Variants in PIK3C3 observed in about 807,000 individuals in gnomAD.
The protein encoded by PIK3C3 is phosphatidylinositol 3-kinase catalytic subunit type 3.
Under a neutral mutation model 126.1 loss-of-function variants are expected in PIK3C3, and 95 were observed. The ratio of observed to expected loss-of-function variants is 0.75; its 90% confidence interval spans 0.64 to 0.89. The LOEUF (loss-of-function observed/expected upper bound fraction) is 0.89, where lower values mean the gene tolerates loss of function less well. Among genes scored for constraint, PIK3C3 ranks in the 40% least tolerant of loss-of-function variants. The pLI is 0.00. For missense variants in PIK3C3, 829 were observed against 1,063.2 expected (o/e 0.78, Z 3.06); for synonymous variants, 374 against 360.0 (o/e 1.04, Z -0.44).
intron 6 of PIK3C3, 122 bp downstream of exon 6, chr18:41,990,676 C>T: frequency 1.6e-6 from 1 of 606,520 alleles, no homozygotes; most frequent in Non-Finnish European, 2.9e-6. Flanking sequence ...CAGCTGTCAG[C>T]AGCAGCTGTT....
rs568717578 is a variant in PIK3C3 at position 42,085,164 on chromosome 18, A to G, written c.*4027A>G. ...GTGGTTTATATTAAGAATAGGTACA[A>G]TGTAAATACTGGTAAGTGAAAGTTC... On this transcript the variant is annotated 3_prime_UTR_variant, in exon 25 of 25. Coordinates refer to ENST00000262039, the MANE Select transcript of PIK3C3 (RefSeq NM_002647.4). The G allele has an allele frequency of 1.3e-5, 2 of 152,284 alleles. No homozygotes were observed. The highest frequency in any genetic ancestry group is 2.1e-4 in the South Asian group (1 of 4,832). The allele number at this position is 152,284 out of a possible 1,614,324, so 9.4% of individuals were successfully genotyped here.
chr18:42,048,920 G>A (rs931390567), intron 20 of PIK3C3, among the ~76,000 whole-genome samples: 2 of 152,152 alleles, frequency 1.3e-5, no homozygotes, highest in Non-Finnish European at 1.5e-5. Context: ...TTCTGTTTAA[G>A]TAGTTTCAAT....
At chr18:41,963,318 C>G (rs1351673979) in intron 3 of PIK3C3, among the ~76,000 whole-genome samples, 1 of 152,182 alleles carries the variant, frequency 6.6e-6, no homozygotes, top group Non-Finnish European at 1.5e-5. Context: ...GATTTTAAGA[C>G]TAATGAGTTT....
At chr18:42,077,619 A>C (rs1598963852) in intron 24 of PIK3C3, among the ~76,000 whole-genome samples, 1 of 152,166 alleles carries the variant, frequency 6.6e-6, no homozygotes. Flanking sequence ...CTCCACTTCT[A>C]ATTCTTGTTC....
chr18:42,028,836 G>A (rs1983691171), intron 14 of PIK3C3, among the ~76,000 whole-genome samples: 2 of 152,154 alleles, frequency 1.3e-5, no homozygotes, highest in African/African-American at 4.8e-5. Context: ...GGACCGTATA[G>A]CATTTAGTTT....
intron 20 of PIK3C3, among the ~76,000 whole-genome samples, chr18:42,046,801 G>A (rs1984578049): frequency 4.6e-5 from 7 of 151,964 alleles, no homozygotes; most frequent in Admixed American, 4.6e-4. Flanking sequence ...ACTGAGTATT[G>A]ACACTTTAAA....
rs1326342390 is a variant in PIK3C3, at chr18:41,962,567, T to A, written c.336T>A (p.Asp112Glu). ...RNAQVALTIW[D>E]VYGPGKAVPV... ...CCCAAGTGGCCCTCACCATATGGGA[T>A]GTGTATGGTCCCGGAAAAGCAGTGC... The change falls in exon 3 of 25, where the codon GAT (aspartate) becomes GAA (glutamate). Residue 112 changes from aspartate (D) to glutamate (E), a missense_variant. By Grantham distance (45) the Asp-to-Glu change is conservative. Transcript: ENST00000262039. 2 of 1,613,538 alleles carry A rather than the reference T, an allele frequency of 1.2e-6. No individual in the cohort carries two copies. Among genetic ancestry groups the A allele is most frequent in the Non-Finnish European group, 1.7e-6 (2 of 1,179,576 alleles).
chr18:42,076,130 A>G (rs1305388020), intron 24 of PIK3C3, among the ~76,000 whole-genome samples: 3 of 82,456 alleles, frequency 3.6e-5, no homozygotes, highest in East Asian at 3.6e-4. Flanking sequence ...ATGCGCATAT[A>G]TATATATATA....
In PIK3C3 at chr18:41,981,220, C is replaced by CT. The variant is rs1383023849; in HGVS notation, c.532-6591dup. 2.6e-4 allele frequency among the ~76,000 whole-genome samples: 40 copies of CT among 152,100 alleles called. 1 individual carries two copies. The highest frequency in any genetic ancestry group is 2.0e-3 in the Admixed American group (31 of 15,260). ...CACTTTGGTTTGCTTACTGCTAAGA[C>CT]TGTCAGAAGTTTTGGATTTGTCTGG... On this transcript the variant is annotated intron_variant, in intron 4 of 24. Coordinates refer to ENST00000262039, the MANE Select transcript of PIK3C3 (RefSeq NM_002647.4).
chr18:41,961,725 A>G (rs963738424), intron 2 of PIK3C3, among the ~76,000 whole-genome samples: 3 of 152,302 alleles, frequency 2.0e-5, no homozygotes, highest in African/African-American at 4.8e-5. Context: ...TTTAAAAGCC[A>G]GCTCCTCTTG....
chr18:42,040,145 T>A (rs2144469381), intron 18 of PIK3C3, among the ~76,000 whole-genome samples: 1 of 145,698 alleles, frequency 6.9e-6, no homozygotes, highest in Non-Finnish European at 1.5e-5. Flanking sequence ...ACATACTGTC[T>A]GTCCCCTTTC....
At chr18:42,076,644 T>G (rs564749170) in intron 24 of PIK3C3, among the ~76,000 whole-genome samples, 2 of 152,336 alleles carry the variant, frequency 1.3e-5, no homozygotes, top group Admixed American at 1.3e-4. Context: ...GACAAATGTT[T>G]GCAGCTTGTA....
At position 41,993,307 on chromosome 18, in the gene PIK3C3, A is replaced by G; in HGVS notation, c.752A>G (p.Glu251Gly). The G allele has an allele frequency of 6.2e-7, 1 of 1,609,994 alleles. No homozygotes were observed. The highest frequency in any genetic ancestry group is 8.5e-7 in the Non-Finnish European group (1 of 1,177,084). The part of the protein sequence containing the change: ...DESSPILTSF[E>G]LVKVPDPQMS... ...TCATCTCCAATTTTAACAAGTTTTG[A>G]ATTAGTGAAAGTTCCTGACCCCCAG... Residue 251 changes from glutamate (E) to glycine (G), a missense_variant, in exon 7 of 25, where the codon GAA (glutamate) becomes GGA (glycine). Coordinates refer to ENST00000262039, the MANE Select transcript of PIK3C3 (RefSeq NM_002647.4).
At position 42,087,553 on chromosome 18, in the gene PIK3C3, A is replaced by G. The variant is rs191177299; in HGVS notation, c.*6416A>G. 32 of 152,256 alleles carry G rather than the reference A, an allele frequency of 2.1e-4. 1 individual carries two copies. In the East Asian group the frequency reaches 4.6e-3, roughly 22 times the overall value. 9.4% of individuals were successfully genotyped at this position (152,256 alleles called of 1,614,324 possible). The stretch of plus-strand genomic sequence containing the variant: ...CCAGCTTGTCTATGTCTGCAGCTCA[A>G]CTTTACAGGCTGCTCTTTGTTAGCA... On this transcript the variant is annotated 3_prime_UTR_variant, in exon 25 of 25. Transcript: ENST00000262039.
Position 42,084,807 on chromosome 18 carries a change from T to G in PIK3C3, c.*3670T>G, listed in dbSNP as rs1986364387. Reference sequence around the variant, plus strand: ...AAATGTGCACATTCCCAATCCCCACTCCTGAGCAGCCAAATCAATCTGCAG... The same window carrying G: ...AAATGTGCACATTCCCAATCCCCACGCCTGAGCAGCCAAATCAATCTGCAG... On this transcript the variant is annotated 3_prime_UTR_variant, in exon 25 of 25. Coordinates refer to ENST00000262039, the MANE Select transcript of PIK3C3 (RefSeq NM_002647.4). 1 of 152,138 alleles carries G rather than the reference T, an allele frequency of 6.6e-6. No homozygotes were observed. Among genetic ancestry groups the G allele is most frequent in the African/African-American group, 2.4e-5 (1 of 41,432 alleles). The allele number at this position is 152,138 out of a possible 1,614,324, so 9.4% of individuals were successfully genotyped here.
At chr18:42,053,471 A>G (rs915486544) in intron 21 of PIK3C3, among the ~76,000 whole-genome samples, 4 of 152,166 alleles carry the variant, frequency 2.6e-5, no homozygotes, top group African/African-American at 9.7e-5. Context: ...TTCTTGAAAC[A>G]AGTTTGGGGT....
chr18:42,047,040 C>T (rs761674980), intron 20 of PIK3C3, among the ~76,000 whole-genome samples: 10 of 152,104 alleles, frequency 6.6e-5, no homozygotes, highest in East Asian at 3.9e-4. Flanking sequence ...TTTGCTTTAT[C>T]GTTAGGATTA....
In PIK3C3 at chr18:42,058,055, A is replaced by G. The variant is rs1483896069; in HGVS notation, c.2432+4A>G. 1.3e-6 allele frequency: 2 copies of G among 1,573,368 alleles called. No individual in the cohort carries two copies. Among genetic ancestry groups the G allele is most frequent in the African/African-American group, 1.4e-5 (1 of 72,818 alleles). On this transcript the variant is annotated splice_donor_region_variant and intron_variant, in intron 22 of 24. Transcript: ENST00000262039. ...CGGCTTTCCTCCACCTGCGAAGGTA[A>G]GTTGATTTGCTTGGCACAGAGAATT...
chr18:42,000,722 A>G (rs1982245923), intron 9 of PIK3C3, among the ~76,000 whole-genome samples: 1 of 152,166 alleles, frequency 6.6e-6, no homozygotes, highest in African/African-American at 2.4e-5. Flanking sequence ...GGAGCAAGTC[A>G]TGTCTTACGT....
Sources: allele counts gnomAD v4.1 joint callset (sites outside exome capture counted in the v4.1 genomes callset), GRCh38; gene constraint gnomAD v4.1.1; transcripts MANE v1.5; gene names NCBI Gene and HGNC (gene_info 2026-07-23, HGNC 2026-07-21).